SEMA3B: variants seen among roughly 807,000 people sequenced by gnomAD.
SEMA3B encodes the protein semaphorin 3B, also known as semaphorin-3B.
In SEMA3B, 71 loss-of-function variants were observed where a neutral mutation model predicts 77.8. The ratio of observed to expected loss-of-function variants is 0.91; its 90% confidence interval spans 0.75 to 1.11. The LOEUF is 1.11. Among genes scored for constraint, SEMA3B ranks in the 50% most tolerant of loss-of-function variants. The probability of loss-of-function intolerance (pLI) is 0.00; values close to 1 mark genes in which losing one functional copy is unlikely to be tolerated. For synonymous variants in SEMA3B, 470 were observed against 452.9 expected (o/e 1.04, Z -0.48); for missense variants, 968 against 1,056.8 (o/e 0.92, Z 1.17).
Position 50,273,647 on chromosome 3 carries a change from G to C in SEMA3B, c.922+1G>C. ...GGCGACACCCACTTCGATCAGCTCC[G>C]TGAGTGCGGGAGTGGGTATGGGGTT... On this transcript the variant is annotated splice_donor_variant, in intron 8 of 16. Coordinates refer to ENST00000616701, the MANE Select transcript of SEMA3B (RefSeq NM_001290060.2). LOFTEE classifies it high-confidence loss of function. The surrounding 1 kb of genome is among the most constrained non-coding windows in gnomAD (Gnocchi z 6.5). The C allele has an allele frequency of 6.2e-7, 1 of 1,610,020 alleles. No individual in the cohort carries two copies. The highest frequency in any genetic ancestry group is 8.5e-7 in the Non-Finnish European group (1 of 1,179,386).
In SEMA3B at chr3:50,276,523, C is replaced by A; in HGVS notation, c.2067C>A (p.Tyr689Ter). The change falls in exon 17 of 17, where the codon TAC becomes TAA. Residue 689 changes from tyrosine to a stop codon, truncating the protein, a stop_gained. Coordinates refer to ENST00000616701, the MANE Select transcript of SEMA3B (RefSeq NM_001290060.2). LOFTEE classifies it low-confidence loss of function (END_TRUNC). The surrounding 1 kb of genome is among the most constrained non-coding windows in gnomAD (Gnocchi z 5.8). Reference sequence around the variant, plus strand: ...CGCCGCCGGGCCCCAAACTCTGGTACCGGGACTTTCTGCAGCTGGTGGAGC... The same window carrying A: ...CGCCGCCGGGCCCCAAACTCTGGTAACGGGACTTTCTGCAGCTGGTGGAGC... ...PAAPPGPKLW[Y>*]RDFLQLVEPG... The A allele has an allele frequency of 6.5e-7, 1 of 1,534,844 alleles. No individual in the cohort carries two copies. Among genetic ancestry groups the A allele is most frequent in the Non-Finnish European group, 8.7e-7 (1 of 1,145,396 alleles).
chr3:50,276,673 T>C lies in SEMA3B; in HGVS notation c.2217T>C (p.Ala739=). Residue 739 remains alanine, a synonymous_variant, in exon 17 of 17, where the codon GCT becomes GCC. Transcript: ENST00000616701. The surrounding 1 kb of genome is among the most constrained non-coding windows in gnomAD (Gnocchi z 5.8). ...NRRTHAPEPR[A]ERGPRSATHW ...GGACCCACGCCCCTGAGCCTCGCGC[T>C]GAGCGGGGGCCGCGCAGCGCAACGC... 6.4e-7 allele frequency: 1 copy of C among 1,567,930 alleles called. No individual in the cohort carries two copies.
rs1553705890 is a variant in SEMA3B, at chr3:50,273,771, TG to T, written c.936del (p.Leu313CysfsTer32). ...THFDQLQDVFLLSSRDHRTPL... is the reference protein window; with the variant it reads ...THFDQLQDVFXLSSRDHRTPL... Reference sequence around the variant, plus strand: ...CCCTTCCCCGCAGAGGATGTGTTTCTGTTGTCCTCGCGGGACCACCGGACCC... The same window carrying T: ...CCCTTCCCCGCAGAGGATGTGTTTCTTTGTCCTCGCGGGACCACCGGACCC... On this transcript the variant is annotated frameshift_variant, in exon 9 of 17. Transcript: ENST00000616701. LOFTEE classifies it high-confidence loss of function. This position sits in a 1 kb window ranked among gnomAD's most constrained non-coding sequence, Gnocchi z 6.5. 6.3e-7 allele frequency: 1 copy of T among 1,599,862 alleles called. No homozygotes were observed. Among genetic ancestry groups the T allele is most frequent in the South Asian group, 1.1e-5 (1 of 89,910 alleles).
Position 50,273,338 on chromosome 3 carries a change from G to A in SEMA3B, c.705G>A (p.Glu235=). 6.2e-7 allele frequency: 1 copy of A among 1,614,022 alleles called. No homozygotes were observed. The highest frequency in any genetic ancestry group is 8.5e-7 in the Non-Finnish European group (1 of 1,179,876). ...AGGTATTTTGGATCCCGGAGAGCGA[G>A]AACCCAGACGACGACAAAATCTACT... The part of the protein sequence containing the change: ...FVKVFWIPES[E]NPDDDKIYFF... Residue 235 remains glutamate (E), a synonymous_variant, in exon 7 of 17, where the codon GAG becomes GAA. Transcript: ENST00000616701. This position sits in a 1 kb window ranked among gnomAD's most constrained non-coding sequence, Gnocchi z 6.5.
At position 50,275,950 on chromosome 3, in the gene SEMA3B, G is replaced by T; in HGVS notation, c.1845+106G>T. 1 of 1,345,630 alleles carries T rather than the reference G, an allele frequency of 7.4e-7. No homozygotes were observed. The highest frequency in any genetic ancestry group is 9.6e-7 in the Non-Finnish European group (1 of 1,040,384). The allele number at this position is 1,345,630 out of a possible 1,614,324, so 83.4% of individuals were successfully genotyped here. On this transcript the variant is annotated intron_variant, in intron 16 of 16. Coordinates refer to ENST00000616701, the MANE Select transcript of SEMA3B (RefSeq NM_001290060.2). The surrounding 1 kb of genome is among the most constrained non-coding windows in gnomAD (Gnocchi z 7.5). ...CCCCGTCCAACCAGACCCACTCCCC[G>T]CCCTGTCCAGTTTGGTCCCTCACCT...
chr3:50,269,368 C>A lies in SEMA3B; in HGVS notation c.109+19C>A. ...TTCCAAGGTAGGTGCACCTGGCAGG[C>A]GGGAGGGCCCAGCTTGAGGTGGGCA... On this transcript the variant is annotated intron_variant, in intron 1 of 16. Transcript: ENST00000616701. This position sits in a 1 kb window ranked among gnomAD's most constrained non-coding sequence, Gnocchi z 4.0. 2.2e-6 allele frequency: 3 copies of A among 1,392,408 alleles called. No homozygotes were observed. Among genetic ancestry groups the A allele is most frequent in the Non-Finnish European group, 2.9e-6 (3 of 1,041,306 alleles). 86.3% of individuals were successfully genotyped at this position (1,392,408 alleles called of 1,614,324 possible).
chr3:50,276,821 T>G lies in SEMA3B; in HGVS notation c.*115T>G. On this transcript the variant is annotated 3_prime_UTR_variant, in exon 17 of 17. Coordinates refer to ENST00000616701, the MANE Select transcript of SEMA3B (RefSeq NM_001290060.2). This position sits in a 1 kb window ranked among gnomAD's most constrained non-coding sequence, Gnocchi z 5.8. ...GGGCACATTGGGGGTCACCGGCCGA[T>G]GGAGACACCAACCGACAGGCCCTGG... 1 of 1,241,238 alleles carries G rather than the reference T, an allele frequency of 8.1e-7. No homozygotes were observed. The highest frequency in any genetic ancestry group is 1.8e-5 in the South Asian group (1 of 57,014). 76.9% of individuals were successfully genotyped at this position (1,241,238 alleles called of 1,614,324 possible).
Position 50,269,170 on chromosome 3 carries a change from C to A in SEMA3B, c.-71C>A. On this transcript the variant is annotated 5_prime_UTR_variant, in exon 1 of 17. Transcript: ENST00000616701. This position sits in a 1 kb window ranked among gnomAD's most constrained non-coding sequence, Gnocchi z 4.0. ...CTGACTCCTCTTCCAGATCCTGGGG[C>A]AGAGTCCAGGGCAGCTCAAGGCTCC... 1 of 1,142,644 alleles carries A rather than the reference C, an allele frequency of 8.8e-7. No individual in the cohort carries two copies. The highest frequency in any genetic ancestry group is 1.3e-6 in the Non-Finnish European group (1 of 789,734). 70.8% of individuals were successfully genotyped at this position (1,142,644 alleles called of 1,614,324 possible).
chr3:50,266,079 G>C (rs1213479208), upstream of SEMA3B, among the ~76,000 whole-genome samples: 1 of 150,572 alleles, frequency 6.6e-6, no homozygotes, highest in African/African-American at 2.5e-5. Context: ...AGGAAGGTGC[G>C]GGGTGATGAA....
rs1553706858 is a variant in SEMA3B, at chr3:50,276,578, C to T, written c.2122C>T (p.Arg708Cys). The T allele has an allele frequency of 1.3e-6, 2 of 1,553,400 alleles. No individual in the cohort carries two copies. The highest frequency in any genetic ancestry group is 1.9e-5 in the Admixed American group (1 of 52,172). ...CGGAGGTGGCAGCGCGAACTCCCTG[C>T]GCATGTGCCGCCCGCAGCCTGCGCT... ...PGGGGSANSL[R>C]MCRPQPALQS... Residue 708 changes from arginine (R) to cysteine (C), a missense_variant, in exon 17 of 17, where the codon CGC becomes TGC. Physicochemically the swap from Arg to Cys is radical, Grantham distance 180. Transcript: ENST00000616701. The surrounding 1 kb of genome is among the most constrained non-coding windows in gnomAD (Gnocchi z 5.8).
upstream of SEMA3B, among the ~76,000 whole-genome samples, chr3:50,264,290 G>A (rs953677286): frequency 6.6e-6 from 1 of 152,182 alleles, no homozygotes; most frequent in African/African-American, 2.4e-5. Context: ...CCGAGAAGGG[G>A]CCTTGTTCAG....
At position 50,275,353 on chromosome 3, in the gene SEMA3B, C is replaced by T; in HGVS notation, c.1543C>T (p.Arg515Cys). The T allele has an allele frequency of 6.3e-7, 1 of 1,583,460 alleles. No homozygotes were observed. The highest frequency in any genetic ancestry group is 8.6e-7 in the Non-Finnish European group (1 of 1,166,468). ...RSAVAQIALH[R>C]CAAHGRVCTE... Reference sequence around the variant, plus strand: ...CGCGGTGGCCCAGATCGCGTTGCACCGCTGCGCTGCCCACGGCCGCGTCTG... The same window carrying T: ...CGCGGTGGCCCAGATCGCGTTGCACTGCTGCGCTGCCCACGGCCGCGTCTG... The change falls in exon 14 of 17, where the codon CGC (arginine) becomes TGC (cysteine). Residue 515 changes from arginine to cysteine, a missense_variant. Coordinates refer to ENST00000616701, the MANE Select transcript of SEMA3B (RefSeq NM_001290060.2). The surrounding 1 kb of genome is among the most constrained non-coding windows in gnomAD (Gnocchi z 7.5).
chr3:50,273,198 G>A lies in SEMA3B; in HGVS notation c.665-100G>A, dbSNP rs1559787811. The A allele has an allele frequency of 4.7e-6, 7 of 1,483,898 alleles. No homozygotes were observed. The highest frequency in any genetic ancestry group is 6.3e-6 in the Non-Finnish European group (7 of 1,107,376). The allele number at this position is 1,483,898 out of a possible 1,614,324, so 91.9% of individuals were successfully genotyped here. ...TTGGGTGGTCAGACACTGTGATCCC[G>A]GGTGCTGTGCCCGCACTACGGGAAG... On this transcript the variant is annotated intron_variant, in intron 6 of 16. Coordinates refer to ENST00000616701, the MANE Select transcript of SEMA3B (RefSeq NM_001290060.2). The surrounding 1 kb of genome is among the most constrained non-coding windows in gnomAD (Gnocchi z 6.5).
At chr3:50,271,503 G>A (rs1553705404) in intron 6 of SEMA3B, 23 bp downstream of exon 6, 1 of 1,553,698 alleles carries the variant, frequency 6.4e-7, no homozygotes. Flanking sequence ...TGGGGTTGGT[G>A]GGTAGAGGTC....
At chr3:50,268,951 G>A, upstream of SEMA3B, 3 of 501,154 alleles carry the variant, frequency 6.0e-6, no homozygotes, top group East Asian at 1.1e-4. Context: ...GACGTGGTGA[G>A]GCGGGCTTGC....
At position 50,276,682 on chromosome 3, in the gene SEMA3B, G is replaced by A. The variant is rs782462327; in HGVS notation, c.2226G>A (p.Gly742=). ...THAPEPRAER[G]PRSATHW is the part of the protein sequence containing the mutation. The stretch of plus-strand genomic sequence containing the variant: ...CCCCTGAGCCTCGCGCTGAGCGGGG[G>A]CCGCGCAGCGCAACGCACTGGTGAC... Residue 742 remains glycine, a synonymous_variant, in exon 17 of 17, where the codon GGG becomes GGA. Transcript: ENST00000616701. This position sits in a 1 kb window ranked among gnomAD's most constrained non-coding sequence, Gnocchi z 5.8. 64 of 1,549,684 alleles carry A rather than the reference G, an allele frequency of 4.1e-5. No homozygotes were observed. In the South Asian group the frequency reaches 4.2e-4, roughly 10 times the overall value.
At chr3:50,263,796 G>A (rs1700860987), upstream of SEMA3B, among the ~76,000 whole-genome samples, 1 of 152,060 alleles carries the variant, frequency 6.6e-6, no homozygotes, top group African/African-American at 2.4e-5. Context: ...AGAAGACTGA[G>A]GAGTCCCCAC....
At position 50,273,724 on chromosome 3, in the gene SEMA3B, G is replaced by A; in HGVS notation, c.923-35G>A. On this transcript the variant is annotated intron_variant, in intron 8 of 16. Transcript: ENST00000616701. This position sits in a 1 kb window ranked among gnomAD's most constrained non-coding sequence, Gnocchi z 6.5. ...CGGGAGCCCCCGCCGCAGCGGGGCT[G>A]TGCGCCCTACCCCAGCTAGGCCCCT... 6.2e-7 allele frequency: 1 copy of A among 1,604,490 alleles called. No homozygotes were observed. Among genetic ancestry groups the A allele is most frequent in the South Asian group, 1.1e-5 (1 of 90,944 alleles).
chr3:50,271,523 C>G, intron 6 of SEMA3B, 43 bp downstream of exon 6: 1 of 1,550,798 alleles, frequency 6.4e-7, no homozygotes. Context: ...CGTCACCCTC[C>G]CACAGGGCAG....
Sources: gnomAD v4.1 joint callset for allele counts (sites outside exome capture counted in the v4.1 genomes callset) on GRCh38, gnomAD v4.1.1 for gene constraint, Gnocchi (gnomAD v3.1) non-coding constraint, MANE v1.5 for transcripts, NCBI Gene and HGNC (gene_info 2026-07-23, HGNC 2026-07-21) for gene names.